The following DGKB variants were observed in gnomAD, a reference collection of about 807,000 sequenced individuals.
DGKB encodes diacylglycerol kinase beta.
A neutral mutation model predicts 114.3 loss-of-function variants in DGKB; 67 were observed. That is an observed-to-expected ratio of 0.59 (90% CI 0.48 to 0.72). The LOEUF (loss-of-function observed/expected upper bound fraction) is 0.72. Among genes scored for constraint, DGKB ranks in the 30% least tolerant of loss-of-function variants. DGKB has a pLI of 0.00. For missense variants in DGKB, 907 were observed against 975.2 expected, an observed-to-expected ratio of 0.93 and a Z score of 0.93; for synonymous variants, 398 against 323.1, an observed-to-expected ratio of 1.23 and a Z score of -2.49.
intron 2 of DGKB, among the ~76,000 whole-genome samples, chr7:14,780,242 T>C (rs1374214009): frequency 2.6e-5 from 4 of 152,198 alleles, no homozygotes; most frequent in African/African-American, 7.2e-5. Context: ...CACCCACAGA[T>C]CTGGAAAATT....
chr7:14,163,501 A>G (rs1325347276), intron 25 of DGKB, among the ~76,000 whole-genome samples: 1 of 152,236 alleles, frequency 6.6e-6, no homozygotes, highest in African/African-American at 2.4e-5. Context: ...AAATTTATGC[A>G]AAAGCATTTA....
chr7:14,557,454 C>G (rs532953685), intron 20 of DGKB, among the ~76,000 whole-genome samples: 1 of 152,026 alleles, frequency 6.6e-6, no homozygotes, highest in South Asian at 2.1e-4. Context: ...TGGGCTTTGT[C>G]TGTCATTATA....
chr7:14,567,900 C>T (rs561305320), intron 20 of DGKB, among the ~76,000 whole-genome samples: 1 of 152,166 alleles, frequency 6.6e-6, no homozygotes, highest in East Asian at 1.9e-4. Flanking sequence ...AGCCACAGCA[C>T]CCAGCCAGAT....
At chr7:14,713,711 T>C (rs930344934) in intron 6 of DGKB, among the ~76,000 whole-genome samples, 1 of 151,706 alleles carries the variant, frequency 6.6e-6, no homozygotes, top group Non-Finnish European at 1.5e-5. Flanking sequence ...TTAAATCTCA[T>C]AGTTTCTAAG....
At chr7:14,893,268 C>CCAA (rs1297386663) in intron 1 of DGKB, among the ~76,000 whole-genome samples, 2 of 151,272 alleles carry the variant, frequency 1.3e-5, no homozygotes, top group Non-Finnish European at 3.0e-5. Context: ...GTGTTCAAAT[C>CCAA]CAATGAGTAT....
intron 1 of DGKB, among the ~76,000 whole-genome samples, chr7:14,911,342 T>G (rs1264300191): frequency 6.6e-6 from 1 of 152,144 alleles, no homozygotes; most frequent in Non-Finnish European, 1.5e-5. Context: ...TATTTCATAT[T>G]CTGGTGTTGG....
chr7:14,309,170 T>A (rs551208024), intron 23 of DGKB, among the ~76,000 whole-genome samples: 2 of 152,140 alleles, frequency 1.3e-5, no homozygotes, highest in Admixed American at 1.3e-4. Flanking sequence ...GAGCCATTAT[T>A]GTGCCACTGC....
At position 14,867,986 on chromosome 7, in the gene DGKB, G is replaced by T. The variant is rs115133458; in HGVS notation, c.-187-26536C>A. 2.0e-3 allele frequency among the ~76,000 whole-genome samples: 303 copies of T among 152,246 alleles called. 1 individual carries two copies. The Middle Eastern group carries it at 0.021, about 10-fold the overall frequency. ...ATTTACAGCTGATTTCAAATTGCAC[G>T]AAAAGAGATACGGGAACAAAACAAT... On this transcript the variant is annotated intron_variant, in intron 1 of 25. Transcript: ENST00000402815.
At chr7:14,555,013 G>A (rs530992361) in intron 20 of DGKB, among the ~76,000 whole-genome samples, 27 of 152,170 alleles carry the variant, frequency 1.8e-4, no homozygotes, top group African/African-American at 6.0e-4. Context: ...ATTTCTTGCT[G>A]GTCTCTGACA....
At chr7:14,943,649 C>A (rs1785697099) in intron 1 of DGKB, among the ~76,000 whole-genome samples, 1 of 151,752 alleles carries the variant, frequency 6.6e-6, no homozygotes, top group African/African-American at 2.4e-5. Context: ...CACACACACA[C>A]ATATATATAT....
chr7:14,222,293 C>G (rs1259572594), intron 23 of DGKB, among the ~76,000 whole-genome samples: 1 of 150,888 alleles, frequency 6.6e-6, no homozygotes, highest in Non-Finnish European at 1.5e-5. Flanking sequence ...ACATTTAGTG[C>G]TTCAAATTTC....
chr7:14,493,637 C>T (rs1334315694), intron 20 of DGKB, among the ~76,000 whole-genome samples: 1 of 151,944 alleles, frequency 6.6e-6, no homozygotes, highest in African/African-American at 2.4e-5. Flanking sequence ...ATTCCCTGGA[C>T]AAAGGGATGA....
intron 1 of DGKB, among the ~76,000 whole-genome samples, chr7:14,891,840 T>G (rs376024627): frequency 2.0e-5 from 3 of 151,040 alleles, no homozygotes; most frequent in Non-Finnish European, 3.0e-5. Flanking sequence ...AAAAGAAAAA[T>G]AAAACATGGA....
At position 14,698,173 on chromosome 7, in the gene DGKB, G is replaced by A. The variant is rs112006189; in HGVS notation, c.517-4C>T. 3.8e-5 allele frequency: 57 copies of A among 1,500,480 alleles called. No individual in the cohort carries two copies. The African/African-American group carries it at 5.3e-4, about 14-fold the overall frequency. The allele number at this position is 1,500,480 out of a possible 1,614,324, so 92.9% of individuals were successfully genotyped here. ...GACTGATGATATTTTCTAGCTCCTG[G>A]AAGAGAAAGAGAGATAAAAAATATG... On this transcript the variant is annotated splice_polypyrimidine_tract_variant and splice_region_variant and intron_variant, in intron 7 of 25. Coordinates refer to ENST00000402815, the MANE Select transcript of DGKB (RefSeq NM_001350709.2).
At chr7:14,936,297 C>G (rs977988290) in intron 1 of DGKB, among the ~76,000 whole-genome samples, 1 of 152,150 alleles carries the variant, frequency 6.6e-6, no homozygotes. Context: ...TGAAGAGAAA[C>G]TCCTATTTCA....
intron 1 of DGKB, among the ~76,000 whole-genome samples, chr7:14,937,768 A>G (rs982281654): frequency 1.5e-5 from 2 of 136,762 alleles, no homozygotes; most frequent in African/African-American, 5.3e-5. Context: ...AAAAACAACC[A>G]TATACTTCTA....
At chr7:14,154,279 T>A (rs1425697393) in intron 25 of DGKB, among the ~76,000 whole-genome samples, 2 of 151,260 alleles carry the variant, frequency 1.3e-5, no homozygotes, top group Non-Finnish European at 2.9e-5. Flanking sequence ...GAAAATGTGA[T>A]CGTGGGTTAG....
Position 14,938,264 on chromosome 7 carries a change from G to A in DGKB, c.-188+36432C>T, listed in dbSNP as rs530665328. Reference sequence around the variant, plus strand: ...TGTGCATATGTTGCCTACTGATGCTGAAATGGCTCTGAATATAATTTTAAA... The same window carrying A: ...TGTGCATATGTTGCCTACTGATGCTAAAATGGCTCTGAATATAATTTTAAA... On this transcript the variant is annotated intron_variant, in intron 1 of 4. Coordinates refer to the DGKB transcript ENST00000437998. 2.6e-5 allele frequency among the ~76,000 whole-genome samples: 4 copies of A among 152,254 alleles called. No homozygotes were observed. In the South Asian group the frequency reaches 8.3e-4, roughly 32 times the overall value.
intron 23 of DGKB, among the ~76,000 whole-genome samples, chr7:14,211,151 G>C (rs917758077): frequency 5.9e-5 from 9 of 151,984 alleles, no homozygotes; most frequent in African/African-American, 1.7e-4. Flanking sequence ...TCATGAGACT[G>C]TATCATATAA....
Sources: gnomAD v4.1 joint callset for allele counts (sites outside exome capture counted in the v4.1 genomes callset) on GRCh38, gnomAD v4.1.1 for gene constraint, MANE v1.5 for transcripts, NCBI Gene and HGNC (gene_info 2026-07-23, HGNC 2026-07-21) for gene names.